HAUS6: variants seen among roughly 807,000 people sequenced by gnomAD.
The protein encoded by HAUS6 is HAUS augmin-like complex subunit 6.
A neutral mutation model predicts 106.8 loss-of-function variants in HAUS6; 80 were observed. The ratio of observed to expected loss-of-function variants is 0.75; its 90% CI spans 0.63 to 0.90. HAUS6 has a LOEUF of 0.90. Among genes scored for constraint, HAUS6 ranks in the 40% least tolerant of loss-of-function variants. The pLI is 0.00. For synonymous variants in HAUS6, 356 were observed against 379.1 expected (o/e 0.94, Z 0.71); for missense variants, 1,155 against 1,118.1 (o/e 1.03, Z -0.47).
chr9:19,071,222 A>G (rs1836875782), intron 11 of HAUS6, among the ~76,000 whole-genome samples: 1 of 152,260 alleles, frequency 6.6e-6, no homozygotes, highest in Non-Finnish European at 1.5e-5. Flanking sequence ...AGACAGGTCA[A>G]AAAGCAGATT....
Position 19,086,773 on chromosome 9 carries a change from G to A in HAUS6, c.660C>T (p.Pro220=). Residue 220 remains proline (P), a synonymous_variant, in exon 7 of 17, where the codon CCC becomes CCT. Transcript: ENST00000380502. The part of the protein sequence containing the change: ...GLENQIKKME[P]YDDHSNMEEK... The stretch of plus-strand genomic sequence containing the variant: ...CTTCCATATTACTGTGGTCATCATA[G>A]GGTTCCATTCTAATAAAAATTAAAT... 1 of 1,190,080 alleles carries A rather than the reference G, an allele frequency of 8.4e-7. No individual in the cohort carries two copies. The highest frequency in any genetic ancestry group is 1.2e-6 in the Non-Finnish European group (1 of 810,966). The allele number at this position is 1,190,080 out of a possible 1,614,324, so 73.7% of individuals were successfully genotyped here. A position where few individuals can be genotyped will look rare whatever the true frequency, so the allele number is the denominator to read the frequency against.
At chr9:19,061,270 A>C (rs564611270) in intron 14 of HAUS6, among the ~76,000 whole-genome samples, 1 of 152,348 alleles carries the variant, frequency 6.6e-6, no homozygotes, top group South Asian at 2.1e-4. Flanking sequence ...TTAAAACACT[A>C]AATATCCCCT....
chr9:19,068,209 A>G (rs1203439897), intron 12 of HAUS6, among the ~76,000 whole-genome samples: 2 of 152,196 alleles, frequency 1.3e-5, no homozygotes, highest in Non-Finnish European at 2.9e-5. Flanking sequence ...GAACTGTGAT[A>G]TGAGTGTAAA....
chr9:19,062,367 T>C (rs1007547501), intron 14 of HAUS6, among the ~76,000 whole-genome samples: 3 of 152,240 alleles, frequency 2.0e-5, no homozygotes, highest in African/African-American at 7.2e-5. Flanking sequence ...TTTAATATAG[T>C]ATAAACACTG....
Position 19,101,660 on chromosome 9 carries a change from G to A in HAUS6, c.128+864C>T, listed in dbSNP as rs573370474. Reference sequence around the variant, plus strand: ...ATAGAGGCCGGGCACGGTGGCTCACGCCTGTAATCCCAGCACTTTGGGAGG... The same window carrying A: ...ATAGAGGCCGGGCACGGTGGCTCACACCTGTAATCCCAGCACTTTGGGAGG... On this transcript the variant is annotated intron_variant, in intron 1 of 16. Coordinates refer to ENST00000380502, the MANE Select transcript of HAUS6 (RefSeq NM_017645.5). 2.4e-3 allele frequency among the ~76,000 whole-genome samples: 368 copies of A among 152,174 alleles called. 1 individual carries two copies. The highest frequency in any genetic ancestry group is 8.5e-3 in the African/African-American group (353 of 41,498).
chr9:19,083,587 G>A (rs1162155749), intron 7 of HAUS6, among the ~76,000 whole-genome samples: 3 of 151,946 alleles, frequency 2.0e-5, no homozygotes, highest in Non-Finnish European at 2.9e-5. Flanking sequence ...CAGATCACGA[G>A]GTCAGGAGAT....
At chr9:19,080,734 T>C (rs1000501251) in intron 8 of HAUS6, 62 bp from the exon 9 acceptor site, 1 of 886,572 alleles carries the variant, frequency 1.1e-6, no homozygotes, top group African/African-American at 1.7e-5. Flanking sequence ...AACTATTACA[T>C]AAAAATATTT....
chr9:19,087,957 A>G (rs1002131983), intron 5 of HAUS6, among the ~76,000 whole-genome samples: 3 of 152,138 alleles, frequency 2.0e-5, no homozygotes, highest in African/African-American at 7.2e-5. Flanking sequence ...ATCAATGCCT[A>G]AACAGTATCT....
rs1426696343 is a variant in HAUS6, at chr9:19,063,049, T to C, written c.1588A>G (p.Ser530Gly). 6.2e-7 allele frequency: 1 copy of C among 1,608,160 alleles called. No individual in the cohort carries two copies. The highest frequency in any genetic ancestry group is 8.5e-7 in the Non-Finnish European group (1 of 1,176,836). ...AFGGSLPAKK[S>G]DPFQKEQDHL... Reference sequence around the variant, plus strand: ...TCTTGCTCTTTTTGAAATGGATCACTTTTTTTAGCTGGCAAAGACCCTCCA... The same window carrying C: ...TCTTGCTCTTTTTGAAATGGATCACCTTTTTTAGCTGGCAAAGACCCTCCA... The change falls in exon 14 of 17, where the codon AGT becomes GGT. Residue 530 changes from serine to glycine, a missense_variant. Physicochemically the swap from Ser to Gly is moderately conservative, Grantham distance 56 (BLOSUM62 0). Around this residue, in one of 3 missense-constraint regions of HAUS6, gnomAD observed 761 missense variants for 690.0 expected, o/e 1.10. Coordinates refer to ENST00000380502, the MANE Select transcript of HAUS6 (RefSeq NM_017645.5).
At position 19,093,208 on chromosome 9, in the gene HAUS6, T is replaced by G. The variant is rs1326124396; in HGVS notation, c.399A>C (p.Arg133Ser). 2 of 1,602,294 alleles carry G rather than the reference T, an allele frequency of 1.2e-6. No homozygotes were observed. Among genetic ancestry groups the G allele is most frequent in the Admixed American group, 3.4e-5 (2 of 58,400 alleles). Reference sequence around the variant, plus strand: ...ATTTAATATATTTCATTGCAACAAATCTTGCAAAATGATACATCAGATGAA... The same window carrying G: ...ATTTAATATATTTCATTGCAACAAAGCTTGCAAAATGATACATCAGATGAA... ...KFIHLMYHFARFVAMKYIKSN... is the reference protein window; with the variant it reads ...KFIHLMYHFASFVAMKYIKSN... The change falls in exon 4 of 17, where the codon AGA (arginine) becomes AGC (serine). Residue 133 changes from arginine to serine, a missense_variant. Coordinates refer to ENST00000380502, the MANE Select transcript of HAUS6 (RefSeq NM_017645.5).
At chr9:19,072,097 G>A (rs1405178768) in intron 11 of HAUS6, among the ~76,000 whole-genome samples, 1 of 151,936 alleles carries the variant, frequency 6.6e-6, no homozygotes, top group Non-Finnish European at 1.5e-5. Flanking sequence ...GCTTGAACTA[G>A]GGGAAGCGCT....
rs201225192 is a variant in HAUS6 at position 19,060,049 on chromosome 9, G to C, written c.1765+39C>G. Reference sequence around the variant, plus strand: ...CCATGGTTCTAACAGTGGTTATGTCGATGAAAGAAAAAAGTAACAGAAAGC... The same window carrying C: ...CCATGGTTCTAACAGTGGTTATGTCCATGAAAGAAAAAAGTAACAGAAAGC... On this transcript the variant is annotated intron_variant, in intron 15 of 16. Transcript: ENST00000380502. 7 of 1,540,760 alleles carry C rather than the reference G, an allele frequency of 4.5e-6. No individual in the cohort carries two copies. In the African/African-American group the frequency reaches 6.9e-5, roughly 15 times the overall value.
At chr9:19,092,957 T>G (rs540660304) in intron 4 of HAUS6, among the ~76,000 whole-genome samples, 9 of 149,896 alleles carry the variant, frequency 6.0e-5, no homozygotes, top group Admixed American at 5.3e-4. Context: ...ACCCTTGTAT[T>G]AGAACATAAT....
rs1029008664 is a variant in HAUS6, at chr9:19,054,773, G to C, written c.*1570C>G. 1.3e-5 allele frequency: 2 copies of C among 152,150 alleles called. No homozygotes were observed. The highest frequency in any genetic ancestry group is 6.5e-5 in the Admixed American group (1 of 15,278). 9.4% of individuals were successfully genotyped at this position (152,150 alleles called of 1,614,324 possible). ...TTCTCAAACTCTTTCTCGAGCTTAA[G>C]AATTACCAAGGAAGCACATTTAAAA... On this transcript the variant is annotated 3_prime_UTR_variant, in exon 17 of 17. Coordinates refer to ENST00000380502, the MANE Select transcript of HAUS6 (RefSeq NM_017645.5).
Position 19,087,115 on chromosome 9 carries a change from A to G in HAUS6, c.626T>C (p.Ile209Thr), listed in dbSNP as rs115666144. ...KQVRNLRSEC[I>T]GLENQIKKME... ...CTTCTTTATTTGGTTTTCCAATCCT[A>G]TACATTCAGATCTCAAGTTTCGTAC... The change falls in exon 6 of 17, where the codon ATA (isoleucine) becomes ACA (threonine). Residue 209 changes from isoleucine to threonine, a missense_variant. By Grantham distance (89) the Ile-to-Thr change is moderately conservative (BLOSUM62 -1). This residue lies in a region of HAUS6 where 761 missense variants were observed against 690.0 expected (regional missense o/e 1.10). Transcript: ENST00000380502. 1.2e-4 allele frequency: 181 copies of G among 1,535,500 alleles called. No homozygotes were observed. In the African/African-American group the frequency reaches 2.3e-3, roughly 19 times the overall value.
chr9:19,097,900 G>A (rs1324739616), intron 1 of HAUS6, among the ~76,000 whole-genome samples: 2 of 152,108 alleles, frequency 1.3e-5, no homozygotes, highest in Admixed American at 6.6e-5. Flanking sequence ...CAAATCAAGT[G>A]AATTTCTGAC....
chr9:19,086,523 G>A (rs908054082), intron 7 of HAUS6, among the ~76,000 whole-genome samples: 9 of 151,778 alleles, frequency 5.9e-5, no homozygotes, highest in African/African-American at 1.2e-4. Flanking sequence ...AGGAGGCTGA[G>A]GCAACAGAAT....
At chr9:19,086,699 A>G in intron 7 of HAUS6, 35 bp downstream of exon 7, 1 of 941,124 alleles carries the variant, frequency 1.1e-6, no homozygotes. Context: ...CAGAATTTTA[A>G]AAGATTAAAT....
Position 19,087,097 on chromosome 9 carries a change from A to AT in HAUS6, c.643dup (p.Ile215AsnfsTer8). The AT allele has an allele frequency of 6.8e-7, 1 of 1,467,050 alleles. No homozygotes were observed. The highest frequency in any genetic ancestry group is 9.6e-7 in the Non-Finnish European group (1 of 1,046,374). 90.9% of individuals were successfully genotyped at this position (1,467,050 alleles called of 1,614,324 possible). A position where few individuals can be genotyped will look rare whatever the true frequency, so the allele number is the denominator to read the frequency against. On this transcript the variant is annotated frameshift_variant, in exon 6 of 17. Transcript: ENST00000380502. LOFTEE classifies it high-confidence loss of function. ...AGCTCTAAAAGTCACTTACTTCTTT[A>AT]TTTGGTTTTCCAATCCTATACATTC...
Sources: gnomAD v4.1 joint callset for allele counts (sites outside exome capture counted in the v4.1 genomes callset) on GRCh38, gnomAD v4.1.1 for gene constraint, gnomAD v4.1.1 regional missense constraint, MANE v1.5 for transcripts, NCBI Gene and HGNC (gene_info 2026-07-23, HGNC 2026-07-21) for gene names.